Variants in CCNG1 observed in about 807,000 individuals in gnomAD.
CCNG1 encodes the protein cyclin-G1.
A neutral mutation model predicts 30.0 loss-of-function variants in CCNG1; 13 were observed. The ratio of observed to expected loss-of-function variants is 0.43; its 90% CI spans 0.28 to 0.69. The LOEUF (loss-of-function observed/expected upper bound fraction) is 0.69. Ranked by LOEUF, CCNG1 falls within the 30% of genes least tolerant of loss-of-function variation. The pLI is 0.16. For missense variants in CCNG1, 285 were observed against 331.4 expected (o/e 0.86, Z 1.09); for synonymous variants, 110 against 121.5 (o/e 0.91, Z 0.62).
At chr5:163,453,814 T>C in the CCNG1 span, 3 of 432,074 alleles carry the variant, frequency 6.9e-6, no homozygotes, top group South Asian at 1.9e-4. Context: ...CCTATGTAAA[T>C]TATGTTTGAA....
At chr5:163,443,576 T>A in intron 6 of CCNG1, 98 bp from the exon 7 acceptor site, 1 of 670,138 alleles carries the variant, frequency 1.5e-6, no homozygotes, top group Non-Finnish European at 2.6e-6. Context: ...TACATGTGAT[T>A]ATGAATATTA....
chr5:163,456,729 CA>C, the CCNG1 span, among the ~76,000 whole-genome samples: 1 of 152,154 alleles, frequency 6.6e-6, no homozygotes, highest in Non-Finnish European at 1.5e-5. Flanking sequence ...CACAGCAATA[CA>C]AATAAATTCC....
In CCNG1 at chr5:163,438,549, A is replaced by T. The variant is rs184150120; in HGVS notation, c.1-708A>T. 4.6e-5 allele frequency among the ~76,000 whole-genome samples: 7 copies of T among 152,324 alleles called. No individual in the cohort carries two copies. In the East Asian group the frequency reaches 1.4e-3, roughly 29 times the overall value. Reference sequence around the variant, plus strand: ...TCATAAACCTTATCCCTACTTTATCAATGTGGAACTAAGTACAATTAAGTA... The same window carrying T: ...TCATAAACCTTATCCCTACTTTATCTATGTGGAACTAAGTACAATTAAGTA... On this transcript the variant is annotated intron_variant, in intron 1 of 6. Coordinates refer to ENST00000340828, the MANE Select transcript of CCNG1 (RefSeq NM_004060.4).
In CCNG1 at chr5:163,439,422, G is replaced by A; in HGVS notation, c.166G>A (p.Val56Ile). 1.2e-6 allele frequency: 2 copies of A among 1,614,074 alleles called. No homozygotes were observed. The highest frequency in any genetic ancestry group is 1.3e-5 in the African/African-American group (1 of 75,044). ...GACTGCAAGACTAAGGGACTTTGAA[G>A]TAAAAGATCTTCTTAGTCTAACTCA... ...RMTARLRDFE[V>I]KDLLSLTQFF... Residue 56 changes from valine (V) to isoleucine (I), a missense_variant, in exon 2 of 7, where the codon GTA (valine) becomes ATA (isoleucine). Transcript: ENST00000340828.
At chr5:163,441,601 T>G (rs1017045246) in intron 3 of CCNG1, 4 of 483,620 alleles carry the variant, frequency 8.3e-6, no homozygotes, top group East Asian at 6.8e-5. Context: ...AAAAGGACCT[T>G]CAGTGGATGT....
At chr5:163,457,050 G>C in the CCNG1 span, 3 of 1,610,402 alleles carry the variant, frequency 1.9e-6, no homozygotes, top group Non-Finnish European at 1.7e-6. Context: ...CTTTGTCTTT[G>C]TAAGAACAAT....
intron 6 of CCNG1, 130 bp downstream of exon 6, chr5:163,442,698 A>G (rs1245043566): frequency 2.9e-6 from 2 of 692,682 alleles, no homozygotes; most frequent in African/African-American, 3.6e-5. Flanking sequence ...AGATGACATC[A>G]CTGATCTAGT....
chr5:163,446,982 G>A (rs1205746451), downstream of CCNG1: 1 of 152,136 alleles, frequency 6.6e-6, no homozygotes, highest in Non-Finnish European at 1.5e-5. Flanking sequence ...CTCCAACCTG[G>A]GCAACAGAGT....
At chr5:163,452,665 A>G in the CCNG1 span, 6 of 152,184 alleles carry the variant, frequency 3.9e-5, no homozygotes, top group African/African-American at 2.4e-5. Flanking sequence ...TTAATCAGTC[A>G]TCTAAGAAAC....
downstream of CCNG1, chr5:163,446,474 C>A (rs554359164): frequency 6.6e-6 from 1 of 152,238 alleles, no homozygotes; most frequent in East Asian, 1.9e-4. Context: ...GTGCTCTTAA[C>A]CACTCTATAC....
Position 163,442,363 on chromosome 5 carries a change from T to G in CCNG1, c.697-11T>G. On this transcript the variant is annotated splice_polypyrimidine_tract_variant and intron_variant, in intron 5 of 6. Transcript: ENST00000340828. ...TGGAGTAATAATTTTTTAAAATTTA[T>G]GTATGTACAGATAAATGGCAGAGAT... 6.3e-7 allele frequency: 1 copy of G among 1,592,646 alleles called. No individual in the cohort carries two copies. Among genetic ancestry groups the G allele is most frequent in the Non-Finnish European group, 8.5e-7 (1 of 1,170,440 alleles).
chr5:163,451,575 A>G, the CCNG1 span: 1 of 152,208 alleles, frequency 6.6e-6, no homozygotes, highest in Admixed American at 6.5e-5. Context: ...TTAAAAGAAA[A>G]ATAGCCTCTT....
intron 1 of CCNG1, among the ~76,000 whole-genome samples, chr5:163,438,183 A>G (rs1336252608): frequency 6.6e-6 from 1 of 152,002 alleles, no homozygotes; most frequent in African/African-American, 2.4e-5. Flanking sequence ...ACTTAAATCA[A>G]TGGAATTCCC....
downstream of CCNG1, chr5:163,445,920 G>A (rs1441909429): frequency 1.3e-5 from 2 of 152,280 alleles, no homozygotes; most frequent in Non-Finnish European, 2.9e-5. Flanking sequence ...CCCACTTGAA[G>A]TTTTGTGCCA....
chr5:163,456,861 T>C, the CCNG1 span: 5 of 1,079,870 alleles, frequency 4.6e-6, no homozygotes. Flanking sequence ...TGAGTTTTAA[T>C]TTCAAATATT....
downstream of CCNG1, chr5:163,447,601 A>C (rs965360011): frequency 2.0e-5 from 3 of 152,258 alleles, no homozygotes; most frequent in African/African-American, 7.2e-5. Flanking sequence ...AATAATACTA[A>C]TAACCAGCTA....
the CCNG1 span, among the ~76,000 whole-genome samples, chr5:163,454,899 A>G: frequency 7.2e-5 from 11 of 152,220 alleles, no homozygotes; most frequent in Non-Finnish European, 1.3e-4. Context: ...TAGCAGGAGG[A>G]GACAAACCAT....
At chr5:163,442,773 A>G (rs1035330048) in intron 6 of CCNG1, among the ~76,000 whole-genome samples, 1 of 152,038 alleles carries the variant, frequency 6.6e-6, no homozygotes, top group Non-Finnish European at 1.5e-5. Flanking sequence ...GGAATTATCC[A>G]ACCTCTGATA....
At chr5:163,438,131 C>G (rs1031708915) in intron 1 of CCNG1, among the ~76,000 whole-genome samples, 16 of 152,120 alleles carry the variant, frequency 1.1e-4, no homozygotes, top group Admixed American at 1.0e-3. Context: ...TTCCATGTAT[C>G]CAGGGCTTAG....
Sources: gnomAD v4.1 joint callset for allele counts (sites outside exome capture counted in the v4.1 genomes callset) on GRCh38, gnomAD v4.1.1 for gene constraint, MANE v1.5 for transcripts, NCBI Gene and HGNC (gene_info 2026-07-23, HGNC 2026-07-21) for gene names.